Variants in ADAMTS12 observed in about 807,000 individuals in gnomAD.
ADAMTS12 encodes the protein ADAM metallopeptidase with thrombospondin type 1 motif 12, also known as A disintegrin and metalloproteinase with thrombospondin motifs 12.
A neutral mutation model predicts 167.8 loss-of-function variants in ADAMTS12; 118 were observed. That is an observed-to-expected ratio of 0.70 (90% CI 0.61 to 0.82). The LOEUF is 0.82. Ranked by LOEUF, ADAMTS12 falls within the 40% of genes least tolerant of loss-of-function variation. The pLI is 0.00. For synonymous variants in ADAMTS12, 704 were observed against 716.9 expected, an observed-to-expected ratio of 0.98 and a Z score of 0.29; for missense variants, 1,916 against 1,998.8, an observed-to-expected ratio of 0.96 and a Z score of 0.79.
intron 19 of ADAMTS12, among the ~76,000 whole-genome samples, chr5:33,571,962 A>G (rs1446926289): frequency 6.6e-6 from 1 of 152,242 alleles, no homozygotes; most frequent in East Asian, 1.9e-4. Context: ...AGAGAATACT[A>G]CAAACACCTC....
rs200157555 is a variant in ADAMTS12, at chr5:33,576,642, G to A, written c.3384C>T (p.Gly1128=). 5.0e-6 allele frequency: 8 copies of A among 1,614,110 alleles called. No homozygotes were observed. Among genetic ancestry groups the A allele is most frequent in the Non-Finnish European group, 6.8e-6 (8 of 1,180,042 alleles). The change falls in exon 19 of 24, where the codon GGC becomes GGT. Residue 1128 remains glycine, a synonymous_variant. Coordinates refer to ENST00000504830, the MANE Select transcript of ADAMTS12 (RefSeq NM_030955.4). ...GLVATTTSGS[G]LSSSRNPITW... is the part of the protein sequence containing the mutation. ...TGATAGGGTTGCGGGAAGATGACAA[G>A]CCAGAACCACTTGTTGTTGTAGCTA...
intron 14 of ADAMTS12, among the ~76,000 whole-genome samples, chr5:33,621,645 T>C (rs1053407274): frequency 6.6e-6 from 1 of 152,200 alleles, no homozygotes; most frequent in Non-Finnish European, 1.5e-5. Context: ...GCAACTTATC[T>C]ACAGTGGTCA....
intron 3 of ADAMTS12, among the ~76,000 whole-genome samples, chr5:33,744,433 CA>C (rs1446423581): frequency 1.3e-5 from 2 of 152,126 alleles, no homozygotes; most frequent in African/African-American, 4.8e-5. Context: ...AATGTGCTCC[CA>C]AAAGGTACTA....
chr5:33,768,285 G>A (rs1369952561), intron 2 of ADAMTS12, among the ~76,000 whole-genome samples: 3 of 152,102 alleles, frequency 2.0e-5, no homozygotes, highest in Admixed American at 1.3e-4. Flanking sequence ...AAGACCAGAC[G>A]AGGAAATAAT....
At chr5:33,594,196 A>G (rs1747793625) in intron 17 of ADAMTS12, among the ~76,000 whole-genome samples, 1 of 152,180 alleles carries the variant, frequency 6.6e-6, no homozygotes, top group Non-Finnish European at 1.5e-5. Context: ...ATGAGATTTG[A>G]TGGCTTTATT....
At chr5:33,850,779 G>T (rs1749194574) in intron 2 of ADAMTS12, among the ~76,000 whole-genome samples, 1 of 152,144 alleles carries the variant, frequency 6.6e-6, no homozygotes, top group South Asian at 2.1e-4. Flanking sequence ...CAAGGATCCA[G>T]TTCACCCAAA....
intron 3 of ADAMTS12, among the ~76,000 whole-genome samples, chr5:33,719,667 T>C (rs1743741324): frequency 6.6e-6 from 1 of 152,230 alleles, no homozygotes; most frequent in South Asian, 2.1e-4. Flanking sequence ...GTAAGCCTAA[T>C]GTTTTATCCA....
At chr5:33,551,492 A>G (rs1745252495) in intron 20 of ADAMTS12, among the ~76,000 whole-genome samples, 2 of 152,244 alleles carry the variant, frequency 1.3e-5, no homozygotes, top group African/African-American at 4.8e-5. Context: ...GCATGCTAAT[A>G]GCTTCCACTC....
intron 2 of ADAMTS12, among the ~76,000 whole-genome samples, chr5:33,804,605 C>T (rs1357481584): frequency 1.3e-5 from 2 of 152,228 alleles, no homozygotes; most frequent in Non-Finnish European, 2.9e-5. Flanking sequence ...CATCACTTCC[C>T]TCCTCAGCCT....
intron 3 of ADAMTS12, among the ~76,000 whole-genome samples, chr5:33,722,550 T>C (rs1743842194): frequency 6.6e-6 from 1 of 152,222 alleles, no homozygotes; most frequent in Non-Finnish European, 1.5e-5. Flanking sequence ...GCAGCCCTGA[T>C]GACTGTCCTA....
rs60393220 is a variant in ADAMTS12 at position 33,835,907 on chromosome 5, ATCTCTC to A, written c.489+45206_489+45211del. Among the ~76,000 whole-genome samples the A allele has an allele frequency of 1.4e-3, 152 of 111,846 alleles. 1 individual carries two copies. Among genetic ancestry groups the A allele is most frequent in the African/African-American group, 4.6e-3 (105 of 22,626 alleles). 73.4% of individuals were successfully genotyped at this position (111,846 alleles called of 152,430 possible). A position where few individuals can be genotyped will look rare whatever the true frequency, so the allele number is the denominator to read the frequency against. ...CATGATCAAACTGAGGATAATATCC[ATCTCTC>A]TCTCTCTCTCTCTCTCTCTCTCTCT... On this transcript the variant is annotated intron_variant, in intron 2 of 23. Coordinates refer to ENST00000504830, the MANE Select transcript of ADAMTS12 (RefSeq NM_030955.4).
chr5:33,553,413 G>A (rs1424451778), intron 20 of ADAMTS12, among the ~76,000 whole-genome samples: 2 of 152,150 alleles, frequency 1.3e-5, no homozygotes, highest in Non-Finnish European at 2.9e-5. Context: ...ACACATGTAC[G>A]CATATGTTCA....
chr5:33,556,904 G>A (rs1424917082), intron 20 of ADAMTS12, among the ~76,000 whole-genome samples: 1 of 152,180 alleles, frequency 6.6e-6, no homozygotes, highest in Non-Finnish European at 1.5e-5. Flanking sequence ...AGTTGCTGCT[G>A]AATAAAATAA....
chr5:33,731,214 C>G (rs146944201), intron 3 of ADAMTS12, among the ~76,000 whole-genome samples: 1 of 148,918 alleles, frequency 6.7e-6, no homozygotes, highest in African/African-American at 2.5e-5. Flanking sequence ...GAGACAGGGT[C>G]TCACTGTCTC....
chr5:33,593,284 G>A (rs557283971), intron 17 of ADAMTS12, among the ~76,000 whole-genome samples: 1 of 152,200 alleles, frequency 6.6e-6, no homozygotes, highest in African/African-American at 2.4e-5. Context: ...TAAATGTAGG[G>A]GATTCTGGTT....
chr5:33,801,641 T>C (rs1035330593), intron 2 of ADAMTS12, among the ~76,000 whole-genome samples: 4 of 152,224 alleles, frequency 2.6e-5, no homozygotes, highest in African/African-American at 4.8e-5. Flanking sequence ...TCATTCATTA[T>C]AGAAACATTT....
chr5:33,696,032 T>G (rs1251103816), intron 3 of ADAMTS12, among the ~76,000 whole-genome samples: 1 of 147,480 alleles, frequency 6.8e-6, no homozygotes, highest in Non-Finnish European at 1.5e-5. Context: ...CCTTAATCAC[T>G]GATTCACAGT....
intron 3 of ADAMTS12, among the ~76,000 whole-genome samples, chr5:33,699,001 A>G (rs7448880): frequency 0.17 from 26,146 of 152,022 alleles, 2,311 homozygotes; most frequent in East Asian, 0.26. Flanking sequence ...AACTAAAACT[A>G]CAAAAATTAG....
In ADAMTS12 at chr5:33,891,710, A is replaced by T; in HGVS notation, c.127+20T>A. On this transcript the variant is annotated intron_variant, in intron 1 of 23. Transcript: ENST00000504830. ...TCTTACCACCACTGTTTTAAAAAGA[A>T]ATAAAGAAGAGTCACTAACCTTGCC... The T allele has an allele frequency of 6.2e-7, 1 of 1,613,600 alleles. No homozygotes were observed. The highest frequency in any genetic ancestry group is 2.2e-5 in the East Asian group (1 of 44,882).
Sources: allele counts gnomAD v4.1 joint callset (sites outside exome capture counted in the v4.1 genomes callset), GRCh38; gene constraint gnomAD v4.1.1; transcripts MANE v1.5; gene names NCBI Gene and HGNC (gene_info 2026-07-23, HGNC 2026-07-21).